GDF11: variants seen among roughly 807,000 people sequenced by gnomAD.
GDF11 encodes growth differentiation factor 11, also known as growth/differentiation factor 11.
A neutral mutation model predicts 34.4 loss-of-function variants in GDF11; 12 were observed. That is an observed-to-expected ratio of 0.35 (90% CI 0.22 to 0.57). The LOEUF (loss-of-function observed/expected upper bound fraction) is 0.57, where lower values mean the gene tolerates loss of function less well. Among genes scored for constraint, GDF11 ranks in the 20% least tolerant of loss-of-function variants. The pLI is 0.86. For missense variants in GDF11, 346 were observed against 548.2 expected (o/e 0.63, Z 3.68); for synonymous variants, 212 against 231.1 (o/e 0.92, Z 0.75).
At position 55,756,879 on chromosome 12, in the gene GDF11, T is replaced by TG. The variant is rs1878521023; in HGVS notation, c.*6998dup. ...TGAAATCAGGGCCCTTTTCCTTTAA[T>TG]GTGGGACCCTGGACTCCATTTTATC... On this transcript the variant is annotated 3_prime_UTR_variant, in exon 3 of 3. Transcript: ENST00000257868. The TG allele has an allele frequency of 6.6e-6, 1 of 152,154 alleles. No homozygotes were observed. The highest frequency in any genetic ancestry group is 2.4e-5 in the African/African-American group (1 of 41,450). The allele number at this position is 152,154 out of a possible 1,614,324, so 9.4% of individuals were successfully genotyped here.
chr12:55,745,285 G>A (rs1046209237), intron 1 of GDF11, among the ~76,000 whole-genome samples: 2 of 152,096 alleles, frequency 1.3e-5, no homozygotes, highest in African/African-American at 4.8e-5. Flanking sequence ...TGGGTGATGG[G>A]GCTGTGGACT....
chr12:55,749,651 C>A lies in GDF11; in HGVS notation c.993C>A (p.Ile331=). 1 of 1,614,148 alleles carries A rather than the reference C, an allele frequency of 6.2e-7. No homozygotes were observed. Among genetic ancestry groups the A allele is most frequent in the Non-Finnish European group, 8.5e-7 (1 of 1,180,024 alleles). ...DFEAFGWDWI[I]APKRYKANYC... is the part of the protein sequence containing the mutation. The stretch of plus-strand genomic sequence containing the variant: ...AGGCTTTCGGCTGGGACTGGATCAT[C>A]GCACCTAAGCGCTACAAGGCCAACT... The change falls in exon 3 of 3, where the codon ATC becomes ATA. Residue 331 remains isoleucine, a synonymous_variant. Coordinates refer to ENST00000257868, the MANE Select transcript of GDF11 (RefSeq NM_005811.5). The surrounding 1 kb of genome is among the most constrained non-coding windows in gnomAD (Gnocchi z 5.6).
In GDF11 at chr12:55,743,282, C is replaced by A; in HGVS notation, c.-35C>A. ...CCCCTCCCCGCGGGACTCCGGCGTC[C>A]CCGCCCCCCAGTCCTCCCTCCCCTC... is the stretch of plus-strand genomic sequence containing the variant. On this transcript the variant is annotated 5_prime_UTR_variant, in exon 1 of 3. Coordinates refer to ENST00000257868, the MANE Select transcript of GDF11 (RefSeq NM_005811.5). 1.2e-6 allele frequency: 1 copy of A among 823,442 alleles called. No individual in the cohort carries two copies. The allele number at this position is 823,442 out of a possible 1,614,324, so 51.0% of individuals were successfully genotyped here.
chr12:55,744,975 A>G (rs1878149674), intron 1 of GDF11, among the ~76,000 whole-genome samples: 1 of 152,122 alleles, frequency 6.6e-6, no homozygotes, highest in African/African-American at 2.4e-5. Flanking sequence ...ATTTCTGCAG[A>G]CCTCAATTCC....
chr12:55,750,873 C>T lies in GDF11; in HGVS notation c.*991C>T, dbSNP rs1294871211. Reference sequence around the variant, plus strand: ...GAGTTATTTAGCCAGAGGGTGCAGCCTGCTTATGCCCAAATTCCCTCAGCC... The same window carrying T: ...GAGTTATTTAGCCAGAGGGTGCAGCTTGCTTATGCCCAAATTCCCTCAGCC... On this transcript the variant is annotated 3_prime_UTR_variant, in exon 3 of 3. Transcript: ENST00000257868. 6.6e-6 allele frequency: 1 copy of T among 152,232 alleles called. No homozygotes were observed. Among genetic ancestry groups the T allele is most frequent in the Non-Finnish European group, 1.5e-5 (1 of 68,078 alleles). 9.4% of individuals were successfully genotyped at this position (152,232 alleles called of 1,614,324 possible). A position where few individuals can be genotyped will look rare whatever the true frequency, so the allele number is the denominator to read the frequency against.
Position 55,748,857 on chromosome 12 carries a change from C to A in GDF11, c.717C>A (p.Asp239Glu). 2 of 1,613,578 alleles carry A rather than the reference C, an allele frequency of 1.2e-6. No homozygotes were observed. The highest frequency in any genetic ancestry group is 1.7e-6 in the Non-Finnish European group (2 of 1,180,008). Residue 239 changes from aspartate (D) to glutamate (E), a missense_variant, in exon 2 of 3, where the codon GAC becomes GAA. Physicochemically the swap from Asp to Glu is conservative, Grantham distance 45. Around this residue, in one of 3 missense-constraint regions of GDF11, gnomAD observed 205 missense variants for 311.3 expected, o/e 0.66. Transcript: ENST00000257868. The surrounding 1 kb of genome is among the most constrained non-coding windows in gnomAD (Gnocchi z 5.6). ...HSRSGHWQSIDFKQVLHSWFR... is the reference protein window; with the variant it reads ...HSRSGHWQSIEFKQVLHSWFR... Reference sequence around the variant, plus strand: ...GCTCAGGCCATTGGCAGAGCATCGACTTCAAGCAAGTGCTACACAGCTGGT... The same window carrying A: ...GCTCAGGCCATTGGCAGAGCATCGAATTCAAGCAAGTGCTACACAGCTGGT...
In GDF11 at chr12:55,757,205, A is replaced by T. The variant is rs1878532860; in HGVS notation, c.*7323A>T. On this transcript the variant is annotated 3_prime_UTR_variant, in exon 3 of 3. Coordinates refer to ENST00000257868, the MANE Select transcript of GDF11 (RefSeq NM_005811.5). The stretch of plus-strand genomic sequence containing the variant: ...CAATTCTCTATAATATTTGCCCCTG[A>T]AGCTCCCCTTATCTGGTCTAATCTA... 1.8e-5 allele frequency: 4 copies of T among 223,748 alleles called. No homozygotes were observed. In the East Asian group the frequency reaches 3.8e-4, roughly 21 times the overall value. 13.9% of individuals were successfully genotyped at this position (223,748 alleles called of 1,614,324 possible).
Position 55,743,505 on chromosome 12 carries a change from C to T in GDF11, c.189C>T (p.Pro63=). 1.3e-6 allele frequency: 2 copies of T among 1,589,202 alleles called. No individual in the cohort carries two copies. The highest frequency in any genetic ancestry group is 3.6e-4 in the Middle Eastern group (2 of 5,500). Residue 63 remains proline, a synonymous_variant, in exon 1 of 3, where the codon CCC becomes CCT. Transcript: ENST00000257868. Reference sequence around the variant, plus strand: ...TGGCGCCCGAGCCGGACGGCTGCCCCGTGTGCGTTTGGCGGCAGCACAGCC... The same window carrying T: ...TGGCGCCCGAGCCGGACGGCTGCCCTGTGTGCGTTTGGCGGCAGCACAGCC... ...PSVAPEPDGC[P]VCVWRQHSRE...
intron 1 of GDF11, among the ~76,000 whole-genome samples, chr12:55,744,666 G>T (rs1878142151): frequency 6.7e-6 from 1 of 148,328 alleles, no homozygotes; most frequent in Non-Finnish European, 1.5e-5. Context: ...GCTCTCCTTA[G>T]GGTCAGGTGA....
rs1878238176 is a variant in GDF11, at chr12:55,748,770, G to A, written c.630G>A (p.Gly210=). 2 of 1,614,118 alleles carry A rather than the reference G, an allele frequency of 1.2e-6. No homozygotes were observed. The highest frequency in any genetic ancestry group is 1.3e-5 in the African/African-American group (1 of 74,954). ...LKPLTGEGTA[G]GGGGGRRHIR... is the part of the protein sequence containing the mutation. ...CCCTAACTGGGGAAGGGACCGCAGG[G>A]GGAGGGGGCGGAGGCCGGCGTCACA... The change falls in exon 2 of 3, where the codon GGG becomes GGA. Residue 210 remains glycine, a synonymous_variant. Transcript: ENST00000257868. This position sits in a 1 kb window ranked among gnomAD's most constrained non-coding sequence, Gnocchi z 5.6.
At chr12:55,744,321 C>T (rs1342621304) in intron 1 of GDF11, among the ~76,000 whole-genome samples, 2 of 151,360 alleles carry the variant, frequency 1.3e-5, no homozygotes, top group African/African-American at 2.5e-5. Flanking sequence ...CCATCCTGAC[C>T]CCTGTCTCAG....
In GDF11 at chr12:55,755,036, T is replaced by C. The variant is rs1026337423; in HGVS notation, c.*5154T>C. The C allele has an allele frequency of 6.6e-6, 1 of 152,132 alleles. No individual in the cohort carries two copies. The highest frequency in any genetic ancestry group is 1.5e-5 in the Non-Finnish European group (1 of 68,024). 9.4% of individuals were successfully genotyped at this position (152,132 alleles called of 1,614,324 possible). On this transcript the variant is annotated 3_prime_UTR_variant, in exon 3 of 3. Coordinates refer to ENST00000257868, the MANE Select transcript of GDF11 (RefSeq NM_005811.5). ...GTGAAACCTGTAATTTTAAATCCCTTTGGAAGGGAAAAACAAGAAAAGTCT... is the reference window on the plus strand; with the variant it reads ...GTGAAACCTGTAATTTTAAATCCCTCTGGAAGGGAAAAACAAGAAAAGTCT...
At position 55,749,573 on chromosome 12, in the gene GDF11, C is replaced by A. The variant is rs376855167; in HGVS notation, c.915C>A (p.Asp305Glu). Reference sequence around the variant, plus strand: ...GGCGGAACCTGGGTCTGGACTGCGACGAGCACTCAAGCGAGTCCCGCTGCT... The same window carrying A: ...GGCGGAACCTGGGTCTGGACTGCGAAGAGCACTCAAGCGAGTCCCGCTGCT... ...RSRRNLGLDC[D>E]EHSSESRCCR... Residue 305 changes from aspartate to glutamate, a missense_variant, in exon 3 of 3, where the codon GAC (aspartate) becomes GAA (glutamate). Physicochemically the swap from Asp to Glu is conservative, Grantham distance 45. Transcript: ENST00000257868. The surrounding 1 kb of genome is among the most constrained non-coding windows in gnomAD (Gnocchi z 5.6). The A allele has an allele frequency of 6.2e-7, 1 of 1,614,052 alleles. No individual in the cohort carries two copies. The highest frequency in any genetic ancestry group is 8.5e-7 in the Non-Finnish European group (1 of 1,179,980).
Position 55,743,420 on chromosome 12 carries a change from C to T in GDF11, c.104C>T (p.Ala35Val). Residue 35 changes from alanine to valine, a missense_variant, in exon 1 of 3, where the codon GCG (alanine) becomes GTG (valine). Physicochemically the swap from Ala to Val is moderately conservative, Grantham distance 64. Transcript: ENST00000257868. ...AEGPAAAAAA[A>V]AAAAAAGVGG... ...GGCCCCGCGGCGGCGGCGGCGGCGG[C>T]GGCGGCGGCGGCAGCGGCGGGGGTC... 2 of 1,049,972 alleles carry T rather than the reference C, an allele frequency of 1.9e-6. No individual in the cohort carries two copies. The highest frequency in any genetic ancestry group is 1.1e-6 in the Non-Finnish European group (1 of 874,070). 65.0% of individuals were successfully genotyped at this position (1,049,972 alleles called of 1,614,324 possible). A position where few individuals can be genotyped will look rare whatever the true frequency, so the allele number is the denominator to read the frequency against.
rs1271556995 is a variant in GDF11 at position 55,753,832 on chromosome 12, A to C, written c.*3950A>C. 1 of 150,840 alleles carries C rather than the reference A, an allele frequency of 6.6e-6. No individual in the cohort carries two copies. Among genetic ancestry groups the C allele is most frequent in the Non-Finnish European group, 1.5e-5 (1 of 67,942 alleles). The allele number at this position is 150,840 out of a possible 1,614,324, so 9.3% of individuals were successfully genotyped here. ...CCCAGTGGTGTGCTCCTGTAGTTCC[A>C]GCTATTCAGGAGGCTGTGGCAGGAG... On this transcript the variant is annotated 3_prime_UTR_variant, in exon 3 of 3. Coordinates refer to ENST00000257868, the MANE Select transcript of GDF11 (RefSeq NM_005811.5).
rs1034029484 is a variant in GDF11 at position 55,750,570 on chromosome 12, A to G, written c.*688A>G. On this transcript the variant is annotated 3_prime_UTR_variant, in exon 3 of 3. Transcript: ENST00000257868. Reference sequence around the variant, plus strand: ...TTATTCCCCAAACCCTGCTCTCCCCAACACCTACTCACTTAAGCACTTGTA... The same window carrying G: ...TTATTCCCCAAACCCTGCTCTCCCCGACACCTACTCACTTAAGCACTTGTA... 1.3e-5 allele frequency: 2 copies of G among 152,072 alleles called. No homozygotes were observed. Among genetic ancestry groups the G allele is most frequent in the Non-Finnish European group, 2.9e-5 (2 of 68,028 alleles). The allele number at this position is 152,072 out of a possible 1,614,324, so 9.4% of individuals were successfully genotyped here. A position where few individuals can be genotyped will look rare whatever the true frequency, so the allele number is the denominator to read the frequency against.
chr12:55,754,375 T>G lies in GDF11; in HGVS notation c.*4493T>G, dbSNP rs1469856691. The G allele has an allele frequency of 3.3e-5, 5 of 152,202 alleles. No individual in the cohort carries two copies. Among genetic ancestry groups the G allele is most frequent in the Non-Finnish European group, 7.3e-5 (5 of 68,034 alleles). 9.4% of individuals were successfully genotyped at this position (152,202 alleles called of 1,614,324 possible). On this transcript the variant is annotated 3_prime_UTR_variant, in exon 3 of 3. Coordinates refer to ENST00000257868, the MANE Select transcript of GDF11 (RefSeq NM_005811.5). ...CCTATACTCTGACCTTGCCTATATT[T>G]TAAATGGCAGGGGCCCCAAGCTAAG...
chr12:55,754,426 C>T lies in GDF11; in HGVS notation c.*4544C>T, dbSNP rs536048623. The T allele has an allele frequency of 2.6e-5, 4 of 152,332 alleles. No individual in the cohort carries two copies. The highest frequency in any genetic ancestry group is 7.2e-5 in the African/African-American group (3 of 41,560). The allele number at this position is 152,332 out of a possible 1,614,324, so 9.4% of individuals were successfully genotyped here. A position where few individuals can be genotyped will look rare whatever the true frequency, so the allele number is the denominator to read the frequency against. On this transcript the variant is annotated 3_prime_UTR_variant, in exon 3 of 3. Transcript: ENST00000257868. ...AATCAGCAGGCAGTGGCATCTACAG[C>T]TTCTGGTCTGTAGTGGCGTAGAAGC...
chr12:55,750,270 G>A lies in GDF11; in HGVS notation c.*388G>A, dbSNP rs1041983821. 3.9e-5 allele frequency: 7 copies of A among 180,282 alleles called. No individual in the cohort carries two copies. The highest frequency in any genetic ancestry group is 6.9e-5 in the Non-Finnish European group (6 of 86,628). The allele number at this position is 180,282 out of a possible 1,614,324, so 11.2% of individuals were successfully genotyped here. A position where few individuals can be genotyped will look rare whatever the true frequency, so the allele number is the denominator to read the frequency against. On this transcript the variant is annotated 3_prime_UTR_variant, in exon 3 of 3. Coordinates refer to ENST00000257868, the MANE Select transcript of GDF11 (RefSeq NM_005811.5). Reference sequence around the variant, plus strand: ...AAGAGACTGAAATGGAGTAATAAATGAAAGCCCCACACCAAGCCTCCTTTC... The same window carrying A: ...AAGAGACTGAAATGGAGTAATAAATAAAAGCCCCACACCAAGCCTCCTTTC...
Sources: gnomAD v4.1 joint callset for allele counts (sites outside exome capture counted in the v4.1 genomes callset) on GRCh38, gnomAD v4.1.1 for gene constraint, gnomAD v4.1.1 regional missense constraint, Gnocchi (gnomAD v3.1) non-coding constraint, MANE v1.5 for transcripts, NCBI Gene and HGNC (gene_info 2026-07-23, HGNC 2026-07-21) for gene names.